Variants in EVL observed in about 807,000 individuals in gnomAD.
EVL encodes ena/VASP-like protein.
Under a neutral mutation model 59.6 loss-of-function variants are expected in EVL, and 21 were observed. The ratio of observed to expected loss-of-function variants is 0.35; its 90% CI spans 0.25 to 0.51. The LOEUF is 0.51. EVL is among the 20% of genes least tolerant of loss of function. The probability of loss-of-function intolerance (pLI) is 0.97; values close to 1 mark genes in which losing one functional copy is unlikely to be tolerated. For missense variants in EVL, 462 were observed against 546.6 expected, an observed-to-expected ratio of 0.85 and a Z score of 1.54; for synonymous variants, 198 against 203.5, an observed-to-expected ratio of 0.97 and a Z score of 0.23.
At chr14:100,078,868 GC>G (rs1296499548) in intron 1 of EVL, among the ~76,000 whole-genome samples, 2 of 152,178 alleles carry the variant, frequency 1.3e-5, no homozygotes, top group Non-Finnish European at 2.9e-5. Context: ...GAAAAAATTG[GC>G]CCTCAAGACA....
intron 3 of EVL, chr14:100,106,907 C>A (rs1238212409): frequency 2.5e-6 from 1 of 398,516 alleles, no homozygotes; most frequent in East Asian, 3.6e-5. Flanking sequence ...GGAAGAGAAG[C>A]CAGGATGAGA....
intron 1 of EVL, among the ~76,000 whole-genome samples, chr14:100,032,993 A>G (rs1376709810): frequency 6.6e-6 from 1 of 151,982 alleles, no homozygotes; most frequent in South Asian, 2.1e-4. Context: ...AGAAGAGGAA[A>G]TGGCAGTAAA....
intron 1 of EVL, among the ~76,000 whole-genome samples, chr14:100,067,733 T>C (rs531629970): frequency 6.6e-6 from 1 of 152,304 alleles, no homozygotes; most frequent in East Asian, 1.9e-4. Flanking sequence ...CCTTTTGCTC[T>C]TACGCCTGAA....
In EVL at chr14:100,137,335, C is replaced by T; in HGVS notation, c.965-243C>T. Reference sequence around the variant, plus strand: ...GGTCCCTTACCAGCAGGCTCACATTCCAGAGAGACCTGGCACAGTGAAGGG... The same window carrying T: ...GGTCCCTTACCAGCAGGCTCACATTTCAGAGAGACCTGGCACAGTGAAGGG... On this transcript the variant is annotated intron_variant, in intron 9 of 13. Coordinates refer to ENST00000392920, the MANE Select transcript of EVL (RefSeq NM_016337.3). 7.1e-6 allele frequency: 4 copies of T among 563,140 alleles called. No individual in the cohort carries two copies. In the South Asian group the frequency reaches 8.5e-5, roughly 12 times the overall value. 34.9% of individuals were successfully genotyped at this position (563,140 alleles called of 1,614,324 possible). A position where few individuals can be genotyped will look rare whatever the true frequency, so the allele number is the denominator to read the frequency against.
chr14:99,996,118 T>C (rs1448844776), intron 1 of EVL, among the ~76,000 whole-genome samples: 1 of 151,816 alleles, frequency 6.6e-6, no homozygotes, highest in African/African-American at 2.4e-5. Context: ...ATGTGTGCTC[T>C]ACTTTTATCT....
In EVL at chr14:99,986,332, C is replaced by T. The variant is rs573920936; in HGVS notation, c.5+14275C>T. Reference sequence around the variant, plus strand: ...AAAAAATCAAATGTATCCACTGGCACTGCTTCTTTCTACCAGCTGAGATTT... The same window carrying T: ...AAAAAATCAAATGTATCCACTGGCATTGCTTCTTTCTACCAGCTGAGATTT... On this transcript the variant is annotated intron_variant, in intron 1 of 13. Transcript: ENST00000402714. Among the ~76,000 whole-genome samples, 14 of 151,236 alleles carry T rather than the reference C, an allele frequency of 9.3e-5. No individual in the cohort carries two copies. In the South Asian group the frequency reaches 1.0e-3, roughly 11 times the overall value.
chr14:100,068,257 A>T (rs1168589198), intron 1 of EVL, among the ~76,000 whole-genome samples: 2 of 152,146 alleles, frequency 1.3e-5, no homozygotes. Flanking sequence ...GCCCTGAGAT[A>T]GGAATGGTTT....
intron 3 of EVL, among the ~76,000 whole-genome samples, chr14:100,122,949 C>A (rs1887793752): frequency 6.6e-6 from 1 of 152,212 alleles, no homozygotes; most frequent in South Asian, 2.1e-4. Flanking sequence ...GGGTCTGGCT[C>A]CTTCCCACCC....
At chr14:100,006,803 T>G (rs992452377) in intron 1 of EVL, among the ~76,000 whole-genome samples, 102 of 95,126 alleles carry the variant, frequency 1.1e-3, no homozygotes, top group African/African-American at 6.3e-3. Context: ...TGGAAGCAAG[T>G]AAAACATCAA....
In EVL at chr14:100,130,399, C is replaced by T. The variant is rs978350879; in HGVS notation, c.839+715C>T. ...TATGACTTGGCATCAGGAATGTGCT[C>T]ACCTTGGACTACCAATATCGTGGCT... On this transcript the variant is annotated intron_variant, in intron 7 of 13. Transcript: ENST00000392920. This position sits in a 1 kb window ranked among gnomAD's most constrained non-coding sequence, Gnocchi z 4.8. 6.6e-6 allele frequency among the ~76,000 whole-genome samples: 1 copy of T among 152,232 alleles called. No individual in the cohort carries two copies. Among genetic ancestry groups the T allele is most frequent in the African/African-American group, 2.4e-5 (1 of 41,464 alleles).
At chr14:99,992,923 AT>A (rs1287795629) in intron 1 of EVL, among the ~76,000 whole-genome samples, 2 of 151,748 alleles carry the variant, frequency 1.3e-5, no homozygotes, top group African/African-American at 4.8e-5. Flanking sequence ...AGGGTGTTGA[AT>A]TTTGTCATAT....
intron 1 of EVL, among the ~76,000 whole-genome samples, chr14:100,059,581 A>T (rs2061787796): frequency 6.6e-6 from 1 of 151,120 alleles, no homozygotes; most frequent in Non-Finnish European, 1.5e-5. Flanking sequence ...GAGCTGAATG[A>T]TGATGCCAGA....
chr14:100,090,302 C>T (rs1241122382), intron 2 of EVL, among the ~76,000 whole-genome samples: 3 of 152,114 alleles, frequency 2.0e-5, no homozygotes, highest in East Asian at 1.9e-4. Flanking sequence ...CATAGAATAT[C>T]GTTAGTAATA....
upstream of EVL, among the ~76,000 whole-genome samples, chr14:100,061,573 A>G (rs1468223338): frequency 1.3e-5 from 2 of 151,776 alleles, no homozygotes; most frequent in East Asian, 1.9e-4. Flanking sequence ...TTTCTTCAAT[A>G]CACGCACACA....
chr14:100,034,679 A>G (rs1309040385), intron 1 of EVL, among the ~76,000 whole-genome samples: 5 of 152,152 alleles, frequency 3.3e-5, no homozygotes, highest in Non-Finnish European at 7.3e-5. Flanking sequence ...TCGAGGCTAC[A>G]GTAAACAATG....
rs569616557 is a variant in EVL, at chr14:100,049,775, A to G, written c.6-34912A>G. 4.6e-5 allele frequency among the ~76,000 whole-genome samples: 7 copies of G among 152,260 alleles called. No individual in the cohort carries two copies. The South Asian group carries it at 1.2e-3, about 27-fold the overall frequency. On this transcript the variant is annotated intron_variant, in intron 1 of 13. Coordinates refer to the EVL transcript ENST00000402714. ...TTTTATCACCCCAAAAGTAGATTCTACCCATTAGCAGTCAGTCCTCAGTCT... is the reference window on the plus strand; with the variant it reads ...TTTTATCACCCCAAAAGTAGATTCTGCCCATTAGCAGTCAGTCCTCAGTCT...
chr14:100,072,707 A>G (rs1451939235), intron 1 of EVL, among the ~76,000 whole-genome samples: 1 of 152,264 alleles, frequency 6.6e-6, no homozygotes, highest in Non-Finnish European at 1.5e-5. Context: ...GAGATAACTC[A>G]CATGTGGCAA....
chr14:100,086,286 G>T (rs948690748), intron 2 of EVL, among the ~76,000 whole-genome samples: 6 of 152,190 alleles, frequency 3.9e-5, no homozygotes, highest in African/African-American at 1.4e-4. Context: ...CTGCCTTTCA[G>T]TGACACACTG....
At chr14:100,029,580 G>A (rs1359749806) in intron 1 of EVL, among the ~76,000 whole-genome samples, 1 of 152,178 alleles carries the variant, frequency 6.6e-6, no homozygotes. Flanking sequence ...AGATTCCATA[G>A]GGATACAGAT....
Sources: gnomAD v4.1 joint callset for allele counts (sites outside exome capture counted in the v4.1 genomes callset) on GRCh38, gnomAD v4.1.1 for gene constraint, Gnocchi (gnomAD v3.1) non-coding constraint, MANE v1.5 for transcripts, NCBI Gene and HGNC (gene_info 2026-07-23, HGNC 2026-07-21) for gene names.